Variants in PAX3 observed in about 807,000 individuals in gnomAD.
The protein encoded by PAX3 is paired box 3, also known as paired box protein Pax-3.
Under a neutral mutation model 51.6 loss-of-function variants are expected in PAX3, and 14 were observed. That is an observed-to-expected ratio of 0.27 (90% CI 0.18 to 0.42). The LOEUF (loss-of-function observed/expected upper bound fraction) is 0.42, where lower values mean the gene tolerates loss of function less well. Among genes scored for constraint, PAX3 ranks in the 10% least tolerant of loss-of-function variants. PAX3 has a pLI of 1.00. For missense variants in PAX3, 540 were observed against 642.8 expected (o/e 0.84, Z 1.73); for synonymous variants, 280 against 253.4 (o/e 1.11, Z -1.00).
intron 7 of PAX3, among the ~76,000 whole-genome samples, chr2:222,211,384 T>C (rs1245405036): frequency 6.6e-6 from 1 of 152,160 alleles, no homozygotes; most frequent in Non-Finnish European, 1.5e-5. Context: ...ATTGGTGCTG[T>C]CTTTAGATTA....
At position 222,276,365 on chromosome 2, in the gene PAX3, C is replaced by T. The variant is rs565137920; in HGVS notation, c.586+17802G>A. 7.0e-4 allele frequency among the ~76,000 whole-genome samples: 106 copies of T among 152,352 alleles called. 1 individual carries two copies. The highest frequency in any genetic ancestry group is 3.4e-3 in the Middle Eastern group (1 of 294). On this transcript the variant is annotated intron_variant, in intron 4 of 8. Coordinates refer to ENST00000392070, the MANE Select transcript of PAX3 (RefSeq NM_181458.4). Reference sequence around the variant, plus strand: ...CCCAGAAGGCTTCATTTCCCACCTCCTTCCAGCACCTAAAGGCATCTTTTC... The same window carrying T: ...CCCAGAAGGCTTCATTTCCCACCTCTTTCCAGCACCTAAAGGCATCTTTTC...
At chr2:222,205,066 A>G (rs994521737) in intron 7 of PAX3, among the ~76,000 whole-genome samples, 4 of 152,202 alleles carry the variant, frequency 2.6e-5, no homozygotes, top group African/African-American at 9.7e-5. Flanking sequence ...AAGAGAAGAA[A>G]CATGTCCTTC....
chr2:222,217,451 C>T (rs1692008775), intron 7 of PAX3, among the ~76,000 whole-genome samples: 1 of 152,082 alleles, frequency 6.6e-6, no homozygotes, highest in Non-Finnish European at 1.5e-5. Context: ...AACCAGGAAT[C>T]CTAGATTCTA....
intron 5 of PAX3, among the ~76,000 whole-genome samples, chr2:222,222,758 T>C (rs1159422209): frequency 1.3e-5 from 2 of 152,284 alleles, no homozygotes; most frequent in Middle Eastern, 3.4e-3. Flanking sequence ...GTAGGATCTC[T>C]GCACTCTGGT....
intron 7 of PAX3, among the ~76,000 whole-genome samples, chr2:222,215,778 G>A (rs1011183556): frequency 6.6e-6 from 1 of 152,090 alleles, no homozygotes; most frequent in Non-Finnish European, 1.5e-5. Context: ...TAAATGGTCT[G>A]TATTACCCCA....
intron 4 of PAX3, among the ~76,000 whole-genome samples, chr2:222,266,639 T>G (rs2106153147): frequency 6.6e-6 from 1 of 152,356 alleles, no homozygotes; most frequent in African/African-American, 2.4e-5. Context: ...AAACTTCTGC[T>G]TCCTTAGCTT....
At chr2:222,203,791 T>C (rs1400864525) in intron 7 of PAX3, among the ~76,000 whole-genome samples, 1 of 152,202 alleles carries the variant, frequency 6.6e-6, no homozygotes, top group Non-Finnish European at 1.5e-5. Flanking sequence ...AGCTGATCCA[T>C]CTTCAGCTGA....
intron 4 of PAX3, among the ~76,000 whole-genome samples, chr2:222,252,696 C>T (rs924074267): frequency 6.6e-6 from 1 of 152,058 alleles, no homozygotes; most frequent in Non-Finnish European, 1.5e-5. Flanking sequence ...TTAATGAATC[C>T]AGAGTTGTGT....
chr2:222,262,573 A>C (rs1693903667), intron 4 of PAX3: 1 of 145,710 alleles, frequency 6.9e-6, no homozygotes, highest in Admixed American at 7.2e-5. Context: ...AATATAAAAC[A>C]ACTTTTGAAA....
intron 4 of PAX3, among the ~76,000 whole-genome samples, chr2:222,257,206 A>ATTTT (rs11351476): frequency 3.7e-4 from 55 of 149,270 alleles, no homozygotes; most frequent in Admixed American, 7.3e-4. Flanking sequence ...ATGGCTCAGC[A>ATTTT]TTTTTTTTTT....
chr2:222,243,263 A>G (rs1328038819), intron 4 of PAX3, among the ~76,000 whole-genome samples: 2 of 152,264 alleles, frequency 1.3e-5, no homozygotes, highest in African/African-American at 4.8e-5. Context: ...AAATGCCAAG[A>G]CAAAGCATTT....
At chr2:222,231,382 T>C (rs537578404) in intron 5 of PAX3, among the ~76,000 whole-genome samples, 33 of 152,264 alleles carry the variant, frequency 2.2e-4, no homozygotes, top group Non-Finnish European at 4.1e-4. Context: ...GAAAACATTA[T>C]TCTATACTCT....
intron 7 of PAX3, among the ~76,000 whole-genome samples, chr2:222,216,722 A>G: frequency 6.7e-6 from 1 of 149,032 alleles, no homozygotes. Context: ...ACACACACAC[A>G]CACAGAGAGA....
chr2:222,256,367 G>A (rs889275050), intron 4 of PAX3, among the ~76,000 whole-genome samples: 8 of 151,916 alleles, frequency 5.3e-5, no homozygotes, highest in Non-Finnish European at 2.9e-5. Context: ...GGAGCAGGAC[G>A]TCCTCTCATC....
At chr2:222,214,523 C>T (rs1042007228) in intron 7 of PAX3, 2 of 152,164 alleles carry the variant, frequency 1.3e-5, no homozygotes, top group Middle Eastern at 3.4e-3. Context: ...TAACCACAGT[C>T]TTATTAGTGT....
At chr2:222,223,183 CCCAAG>C (rs76379677) in intron 5 of PAX3, among the ~76,000 whole-genome samples, 29,644 of 151,998 alleles carry the variant, frequency 0.2, 3,015 homozygotes, top group South Asian at 0.28. Context: ...TTGGTACTCA[CCCAAG>C]CATTTGTCTG....
At position 222,280,450 on chromosome 2, in the gene PAX3, A is replaced by G. The variant is rs536864049; in HGVS notation, c.586+13717T>C. Reference sequence around the variant, plus strand: ...GAAAGGAAGGAAGGAAGGAAGAAAGAAAGAGTCCTGTGCAATGGTTTAGTT... The same window carrying G: ...GAAAGGAAGGAAGGAAGGAAGAAAGGAAGAGTCCTGTGCAATGGTTTAGTT... On this transcript the variant is annotated intron_variant, in intron 4 of 8. Transcript: ENST00000392070. Among the ~76,000 whole-genome samples the G allele has an allele frequency of 5.9e-5, 9 of 152,174 alleles. No individual in the cohort carries two copies. In the South Asian group the frequency reaches 1.2e-3, roughly 21 times the overall value.
intron 4 of PAX3, among the ~76,000 whole-genome samples, chr2:222,273,846 A>G (rs1694332267): frequency 6.6e-6 from 1 of 152,192 alleles, no homozygotes; most frequent in Non-Finnish European, 1.5e-5. Context: ...TAAAAATTCG[A>G]CTAAAACATG....
chr2:222,221,149 C>T, intron 6 of PAX3, 73 bp downstream of exon 6: 1 of 1,412,182 alleles, frequency 7.1e-7, no homozygotes, highest in Admixed American at 1.7e-5. Context: ...CAGAAGGATT[C>T]ACTTGTATAA....
Sources: gnomAD v4.1 joint callset for allele counts (sites outside exome capture counted in the v4.1 genomes callset) on GRCh38, gnomAD v4.1.1 for gene constraint, MANE v1.5 for transcripts, NCBI Gene and HGNC (gene_info 2026-07-23, HGNC 2026-07-21) for gene names.